Variants in RPH3A observed in about 807,000 individuals in gnomAD.
RPH3A encodes the protein rabphilin 3A, also known as rabphilin-3A.
A neutral mutation model predicts 102.2 loss-of-function variants in RPH3A; 48 were observed. That is an observed-to-expected ratio of 0.47 (90% CI 0.37 to 0.60). The LOEUF (loss-of-function observed/expected upper bound fraction) is 0.60, where lower values mean the gene tolerates loss of function less well. Ranked by LOEUF, RPH3A falls within the 20% of genes least tolerant of loss-of-function variation. The probability of loss-of-function intolerance (pLI) is 0.00; values close to 1 mark genes in which losing one functional copy is unlikely to be tolerated. For missense variants in RPH3A, 781 were observed against 910.1 expected (o/e 0.86, Z 1.83); for synonymous variants, 310 against 324.3 (o/e 0.96, Z 0.47).
chr12:112,636,394 A>G (rs1168017647), intron 1 of RPH3A, among the ~76,000 whole-genome samples: 1 of 152,184 alleles, frequency 6.6e-6, no homozygotes, highest in African/African-American at 2.4e-5. Context: ...TGCCCACCCA[A>G]ACATTTTATA....
chr12:112,629,241 A>G (rs1243027549), intron 1 of RPH3A, among the ~76,000 whole-genome samples: 1 of 152,158 alleles, frequency 6.6e-6, no homozygotes, highest in Non-Finnish European at 1.5e-5. Context: ...GAGCTCAGAT[A>G]GGGTATCGCC....
intron 1 of RPH3A, among the ~76,000 whole-genome samples, chr12:112,606,163 G>A (rs1035558124): frequency 2.6e-5 from 4 of 152,090 alleles, no homozygotes; most frequent in Admixed American, 6.5e-5. Context: ...TCACGGTCTC[G>A]GAGATAATAT....
intron 2 of RPH3A, among the ~76,000 whole-genome samples, chr12:112,814,399 C>T (rs764877837): frequency 1.3e-5 from 2 of 152,062 alleles, no homozygotes; most frequent in African/African-American, 2.4e-5. Flanking sequence ...TTATGACAGC[C>T]CCAACAAGTG....
At chr12:112,770,822 C>T (rs1444263953) in intron 1 of RPH3A, among the ~76,000 whole-genome samples, 1 of 152,082 alleles carries the variant, frequency 6.6e-6, no homozygotes, top group Admixed American at 6.6e-5. Context: ...CTTGGGATAC[C>T]CCCAACGGTA....
At chr12:112,869,687 G>A (rs1023009461) in intron 8 of RPH3A, 72 bp from the exon 9 acceptor site, 1 of 1,459,612 alleles carries the variant, frequency 6.9e-7, no homozygotes, top group South Asian at 1.1e-5. Flanking sequence ...CCCCTTTGTA[G>A]GCTTCTTAAG....
intron 2 of RPH3A, among the ~76,000 whole-genome samples, chr12:112,817,684 G>A (rs546551360): frequency 6.6e-6 from 1 of 152,048 alleles, no homozygotes; most frequent in East Asian, 1.9e-4. Flanking sequence ...GTCTTATTAA[G>A]TAGTTAGTTT....
At chr12:112,725,907 T>C (rs1473501825) in intron 1 of RPH3A, among the ~76,000 whole-genome samples, 2 of 151,864 alleles carry the variant, frequency 1.3e-5, no homozygotes, top group African/African-American at 4.8e-5. Flanking sequence ...GCCATTCTCC[T>C]GCCTCAGCCT....
intron 1 of RPH3A, among the ~76,000 whole-genome samples, chr12:112,578,855 C>T (rs2135957029): frequency 6.6e-6 from 1 of 152,220 alleles, no homozygotes. Context: ...GCAGCAGCAA[C>T]TCAGCTCTGG....
intron 19 of RPH3A, among the ~76,000 whole-genome samples, chr12:112,892,541 G>A (rs940446725): frequency 1.3e-5 from 2 of 152,208 alleles, no homozygotes; most frequent in Non-Finnish European, 1.5e-5. Context: ...TCCCAGAAAT[G>A]GGGCTGCCTA....
intron 1 of RPH3A, among the ~76,000 whole-genome samples, chr12:112,666,507 T>C (rs1268731906): frequency 6.6e-6 from 1 of 152,080 alleles, no homozygotes; most frequent in African/African-American, 2.4e-5. Context: ...AGCTGAGCAG[T>C]TGATGATGTG....
At chr12:112,808,183 C>T (rs1020717824) in intron 2 of RPH3A, among the ~76,000 whole-genome samples, 5 of 152,174 alleles carry the variant, frequency 3.3e-5, no homozygotes, top group African/African-American at 1.2e-4. Context: ...AATCCCCAAG[C>T]CTTAGAAGGG....
chr12:112,869,934 C>A lies in RPH3A; in HGVS notation c.691C>A (p.Pro231Thr). The part of the protein sequence containing the change: ...ASAPGRGNYG[P>T]PVRRASEARM... ...TGCTCCCGGGCGAGGAAACTATGGG[C>A]CTCCCGTGCGCAGGGCCTCCGAGGC... Residue 231 changes from proline (P) to threonine (T), a missense_variant, in exon 10 of 22, where the codon CCT (proline) becomes ACT (threonine). By Grantham distance (38) the Pro-to-Thr change is conservative. Around this residue, in one of 2 missense-constraint regions of RPH3A, gnomAD observed 730 missense variants for 810.0 expected, o/e 0.90. Transcript: ENST00000389385. 6.2e-7 allele frequency: 1 copy of A among 1,614,110 alleles called. No individual in the cohort carries two copies. Among genetic ancestry groups the A allele is most frequent in the Non-Finnish European group, 8.5e-7 (1 of 1,180,008 alleles).
At chr12:112,620,612 C>T (rs191607406) in intron 1 of RPH3A, among the ~76,000 whole-genome samples, 18 of 152,286 alleles carry the variant, frequency 1.2e-4, no homozygotes, top group African/African-American at 3.8e-4. Context: ...TAGTCAGTAC[C>T]GCCACTAGGA....
At chr12:112,724,510 C>T (rs973167580) in intron 1 of RPH3A, among the ~76,000 whole-genome samples, 12 of 152,182 alleles carry the variant, frequency 7.9e-5, no homozygotes, top group Non-Finnish European at 1.6e-4. Context: ...GTTCAAGAGT[C>T]AACTGTATAT....
At chr12:112,734,360 A>G (rs1184187194) in intron 1 of RPH3A, among the ~76,000 whole-genome samples, 1 of 152,214 alleles carries the variant, frequency 6.6e-6, no homozygotes, top group African/African-American at 2.4e-5. Flanking sequence ...AATACACTCT[A>G]TGATGTTCAC....
chr12:112,776,368 T>C (rs190219166), intron 1 of RPH3A, among the ~76,000 whole-genome samples: 18 of 152,306 alleles, frequency 1.2e-4, no homozygotes, highest in African/African-American at 3.6e-4. Context: ...ATAGGTTGGC[T>C]GGGCAGTCAT....
intron 1 of RPH3A, among the ~76,000 whole-genome samples, chr12:112,616,378 C>T (rs2039679802): frequency 6.6e-6 from 1 of 152,140 alleles, no homozygotes; most frequent in Middle Eastern, 3.2e-3. Flanking sequence ...AACTCCTGAC[C>T]TCAAGTGATC....
At chr12:112,713,624 GC>G (rs1015916594) in intron 1 of RPH3A, among the ~76,000 whole-genome samples, 1 of 151,726 alleles carries the variant, frequency 6.6e-6, no homozygotes, top group Non-Finnish European at 1.5e-5. Context: ...TGAGACTCAT[GC>G]TTTTGCCAGA....
chr12:112,671,901 G>C (rs920862466), intron 1 of RPH3A, among the ~76,000 whole-genome samples: 1 of 150,774 alleles, frequency 6.6e-6, no homozygotes, highest in Non-Finnish European at 1.5e-5. Flanking sequence ...ACCCCAATAG[G>C]ATATATATAC....
Sources: gnomAD v4.1 joint callset for allele counts (sites outside exome capture counted in the v4.1 genomes callset) on GRCh38, gnomAD v4.1.1 for gene constraint, gnomAD v4.1.1 regional missense constraint, MANE v1.5 for transcripts, NCBI Gene and HGNC (gene_info 2026-07-23, HGNC 2026-07-21) for gene names.